Variants in TENM2 observed in about 807,000 individuals in gnomAD.
TENM2 encodes teneurin transmembrane protein 2, also known as teneurin-2.
Under a neutral mutation model 245.2 loss-of-function variants are expected in TENM2, and 52 were observed. That is an observed-to-expected ratio of 0.21 (90% confidence interval 0.17 to 0.27). The LOEUF (loss-of-function observed/expected upper bound fraction) is 0.27, where lower values mean the gene tolerates loss of function less well. Ranked by LOEUF, TENM2 falls within the 10% of genes least tolerant of loss-of-function variation. The pLI, the probability that TENM2 is intolerant of heterozygous loss-of-function variation, is 1.00. For missense variants in TENM2, 3,046 were observed against 3,666.8 expected (o/e 0.83, Z 4.37); for synonymous variants, 1,363 against 1,438.9 (o/e 0.95, Z 1.19).
intron 2 of TENM2, among the ~76,000 whole-genome samples, chr5:167,396,840 G>A (rs1020586399): frequency 1.3e-5 from 2 of 152,160 alleles, no homozygotes; most frequent in African/African-American, 4.8e-5. Context: ...GACAGTGAAG[G>A]TAAGGCTTTG....
chr5:166,991,643 GCT>G, the TENM2 span, among the ~76,000 whole-genome samples: 1 of 152,082 alleles, frequency 6.6e-6, no homozygotes, highest in Admixed American at 6.6e-5. Context: ...TTGGATAATT[GCT>G]CTTTGTATAC....
chr5:167,634,397 A>T (rs1779063595), intron 2 of TENM2, among the ~76,000 whole-genome samples: 1 of 152,172 alleles, frequency 6.6e-6, no homozygotes, highest in Non-Finnish European at 1.5e-5. Flanking sequence ...TACTTAAAAG[A>T]ATTGCAGTTA....
intron 2 of TENM2, among the ~76,000 whole-genome samples, chr5:167,637,988 T>A (rs1279833170): frequency 2.0e-5 from 3 of 147,138 alleles, no homozygotes; most frequent in East Asian, 2.1e-4. Flanking sequence ...AAAAAAAAAA[T>A]ATTAGAATTT....
chr5:168,142,098 C>G (rs1342488168), intron 12 of TENM2, among the ~76,000 whole-genome samples: 1 of 152,218 alleles, frequency 6.6e-6, no homozygotes, highest in African/African-American at 2.4e-5. Context: ...AATGTCCATT[C>G]AAGCCCACCA....
At chr5:167,101,849 T>TTATATACATATATATATATA in the TENM2 span, among the ~76,000 whole-genome samples, 1 of 69,456 alleles carries the variant, frequency 1.4e-5, no homozygotes, top group Non-Finnish European at 2.6e-5. Flanking sequence ...ATATATATAT[T>TTATATACATATATATATATA]TATATATATA....
intron 2 of TENM2, among the ~76,000 whole-genome samples, chr5:167,526,338 A>G (rs1452644468): frequency 1.3e-5 from 2 of 148,342 alleles, no homozygotes; most frequent in African/African-American, 5.0e-5. Context: ...AAAACTACCT[A>G]TCATTATCTG....
the TENM2 span, among the ~76,000 whole-genome samples, chr5:167,204,024 A>G: frequency 6.6e-6 from 1 of 152,284 alleles, no homozygotes; most frequent in African/African-American, 2.4e-5. Context: ...TTAAATAATA[A>G]TGGGAGAGGT....
the TENM2 span, among the ~76,000 whole-genome samples, chr5:167,211,974 G>T: frequency 6.6e-6 from 1 of 152,112 alleles, no homozygotes; most frequent in East Asian, 1.9e-4. Context: ...TGAGGGTATA[G>T]AAGTTACATC....
intron 1 of TENM2, among the ~76,000 whole-genome samples, chr5:167,351,587 AGGCT>A (rs1561884831): frequency 2.0e-5 from 3 of 152,206 alleles, no homozygotes; most frequent in Non-Finnish European, 4.4e-5. Flanking sequence ...TCTGTTGCTC[AGGCT>A]AAGTCTCAAA....
chr5:167,890,961 A>G (rs1279513468), intron 3 of TENM2, among the ~76,000 whole-genome samples: 1 of 152,196 alleles, frequency 6.6e-6, no homozygotes, highest in East Asian at 1.9e-4. Flanking sequence ...ATCTCTACTT[A>G]ACAGATAATC....
upstream of TENM2, among the ~76,000 whole-genome samples, chr5:167,282,000 CAAAAAAAAAAA>C (rs150534598): frequency 9.3e-6 from 1 of 107,460 alleles, no homozygotes. Context: ...AACTCCATCT[CAAAAAAAAAAA>C]AAAAAAAAAA....
At chr5:167,051,627 G>C in the TENM2 span, among the ~76,000 whole-genome samples, 232 of 152,188 alleles carry the variant, frequency 1.5e-3, no homozygotes, top group African/African-American at 5.1e-3. Flanking sequence ...AGAAACTTTC[G>C]CTTGCTCACG....
At chr5:167,658,650 C>A (rs555040605) in intron 2 of TENM2, among the ~76,000 whole-genome samples, 2 of 152,104 alleles carry the variant, frequency 1.3e-5, no homozygotes, top group East Asian at 3.9e-4. Context: ...AAGTTGAGAA[C>A]CACTGGTCTA....
chr5:167,409,556 A>G (rs1361424048), intron 2 of TENM2, among the ~76,000 whole-genome samples: 1 of 152,072 alleles, frequency 6.6e-6, no homozygotes, highest in Non-Finnish European at 1.5e-5. Context: ...AAACTCACAC[A>G]GAAAGGAGAC....
chr5:168,261,678 C>A (rs755805414), intron 28 of TENM2, among the ~76,000 whole-genome samples: 1 of 152,236 alleles, frequency 6.6e-6, no homozygotes, highest in African/African-American at 2.4e-5. Flanking sequence ...GCGGGCAAGG[C>A]AGTTGCCAAC....
the TENM2 span, among the ~76,000 whole-genome samples, chr5:167,133,275 G>A: frequency 6.6e-6 from 1 of 152,108 alleles, no homozygotes; most frequent in Non-Finnish European, 1.5e-5. Flanking sequence ...TTATGATCCG[G>A]GGAGCCGTGC....
At chr5:167,862,849 T>A (rs1427326348) in intron 2 of TENM2, among the ~76,000 whole-genome samples, 1 of 152,206 alleles carries the variant, frequency 6.6e-6, no homozygotes. Flanking sequence ...TCTCCATACT[T>A]GTCATGAGAA....
the TENM2 span, among the ~76,000 whole-genome samples, chr5:167,192,226 A>G: frequency 6.6e-6 from 1 of 152,032 alleles, no homozygotes; most frequent in African/African-American, 2.4e-5. Flanking sequence ...ACAGTGATTC[A>G]TGGAGCAACT....
At chr5:167,277,706 G>A in the TENM2 span, among the ~76,000 whole-genome samples, 2 of 152,044 alleles carry the variant, frequency 1.3e-5, no homozygotes, top group African/African-American at 4.8e-5. Flanking sequence ...GAAGACCTGG[G>A]TGTTGAAAAC....
Sources: allele counts gnomAD v4.1 joint callset (sites outside exome capture counted in the v4.1 genomes callset), GRCh38; gene constraint gnomAD v4.1.1; transcripts MANE v1.5; gene names NCBI Gene and HGNC (gene_info 2026-07-23, HGNC 2026-07-21).